The following RBFOX1 variants were observed in gnomAD, a reference collection of about 807,000 sequenced individuals.
RBFOX1 encodes RNA binding protein fox-1 homolog 1.
A neutral mutation model predicts 57.7 loss-of-function variants in RBFOX1; 8 were observed. The observed-to-expected ratio is 0.14, with a 90% CI of 0.08 to 0.25. The LOEUF is 0.25. RBFOX1 is among the 10% of genes least tolerant of loss of function. The pLI, the probability that RBFOX1 is intolerant of heterozygous loss-of-function variation, is 1.00. For missense variants in RBFOX1, 611 were observed against 548.5 expected, an observed-to-expected ratio of 1.11 and a Z score of -1.14; for synonymous variants, 326 against 222.4, an observed-to-expected ratio of 1.47 and a Z score of -4.15.
At chr16:5,735,441 A>G (rs2052536797) in intron 3 of RBFOX1, among the ~76,000 whole-genome samples, 1 of 152,166 alleles carries the variant, frequency 6.6e-6, no homozygotes, top group Non-Finnish European at 1.5e-5. Context: ...ACTTTTCTGA[A>G]CTTTCTTTCT....
intron 4 of RBFOX1, among the ~76,000 whole-genome samples, chr16:5,884,291 A>G (rs968983347): frequency 6.6e-6 from 1 of 152,110 alleles, no homozygotes; most frequent in African/African-American, 2.4e-5. Flanking sequence ...GAGAGCTTTT[A>G]TTGTAACTCT....
chr16:5,948,530 T>TGGATTTTG (rs2059451038), intron 4 of RBFOX1, among the ~76,000 whole-genome samples: 1 of 152,182 alleles, frequency 6.6e-6, no homozygotes, highest in African/African-American at 2.4e-5. Flanking sequence ...ATTTTGGGGT[T>TGGATTTTG]GGAGTGGCTA....
chr16:6,455,236 G>C (rs569658763), intron 2 of RBFOX1, among the ~76,000 whole-genome samples: 1 of 152,178 alleles, frequency 6.6e-6, no homozygotes, highest in South Asian at 2.1e-4. Flanking sequence ...AGGAAGAAAA[G>C]ATTTTTACCC....
At chr16:6,726,835 A>G (rs1318008834) in intron 3 of RBFOX1, among the ~76,000 whole-genome samples, 1 of 152,058 alleles carries the variant, frequency 6.6e-6, no homozygotes, top group Non-Finnish European at 1.5e-5. Context: ...AGGAACACCA[A>G]GTTCTCTCTG....
At chr16:7,707,891 C>T (rs920644194) in intron 14 of RBFOX1, among the ~76,000 whole-genome samples, 1 of 152,170 alleles carries the variant, frequency 6.6e-6, no homozygotes, top group Non-Finnish European at 1.5e-5. Flanking sequence ...GTCACTTGCA[C>T]AGGAATCTAT....
At chr16:6,519,048 A>G (rs1193645236) in intron 2 of RBFOX1, among the ~76,000 whole-genome samples, 1 of 151,070 alleles carries the variant, frequency 6.6e-6, no homozygotes, top group Non-Finnish European at 1.5e-5. Flanking sequence ...AATTCTAACT[A>G]CTTTCTCCCT....
chr16:7,423,323 C>G (rs566159282), intron 4 of RBFOX1, among the ~76,000 whole-genome samples: 1 of 151,764 alleles, frequency 6.6e-6, no homozygotes, highest in South Asian at 2.1e-4. Context: ...GTTCTAAACA[C>G]AAAGAGTGCA....
intron 3 of RBFOX1, among the ~76,000 whole-genome samples, chr16:6,930,893 C>T (rs897174175): frequency 1.6e-4 from 24 of 151,988 alleles, no homozygotes; most frequent in Admixed American, 7.9e-4. Context: ...ACCCCTGCCC[C>T]CTCACCATAG....
At chr16:6,939,847 G>A (rs561180504) in intron 3 of RBFOX1, among the ~76,000 whole-genome samples, 1 of 152,056 alleles carries the variant, frequency 6.6e-6, no homozygotes, top group African/African-American at 2.4e-5. Context: ...TATAGCTGGT[G>A]GAAGATACAT....
chr16:6,474,855 A>G (rs889649963), intron 2 of RBFOX1, among the ~76,000 whole-genome samples: 1 of 152,222 alleles, frequency 6.6e-6, no homozygotes, highest in African/African-American at 2.4e-5. Flanking sequence ...CTACCCTGAG[A>G]TAAGGCACAG....
chr16:7,557,396 G>A (rs1168152051), intron 5 of RBFOX1, among the ~76,000 whole-genome samples: 1 of 151,958 alleles, frequency 6.6e-6, no homozygotes, highest in Non-Finnish European at 1.5e-5. Flanking sequence ...AACGTGGGCG[G>A]ATCACTTGAG....
chr16:7,325,526 A>C (rs2096599965), intron 4 of RBFOX1, among the ~76,000 whole-genome samples: 1 of 152,208 alleles, frequency 6.6e-6, no homozygotes, highest in Non-Finnish European at 1.5e-5. Context: ...AGAACTTCCC[A>C]TGGAACGGCT....
At chr16:6,385,835 A>G (rs996094590) in intron 2 of RBFOX1, among the ~76,000 whole-genome samples, 1 of 152,238 alleles carries the variant, frequency 6.6e-6, no homozygotes, top group Non-Finnish European at 1.5e-5. Context: ...GGGAGCTGAA[A>G]TACTAGTCTG....
chr16:7,477,219 T>G (rs1599432107), intron 4 of RBFOX1, among the ~76,000 whole-genome samples: 1 of 152,318 alleles, frequency 6.6e-6, no homozygotes. Flanking sequence ...CTTGGGTTGT[T>G]CAGGGTAGAA....
chr16:6,923,485 A>G (rs913441474), intron 3 of RBFOX1, among the ~76,000 whole-genome samples: 6 of 152,174 alleles, frequency 3.9e-5, no homozygotes, highest in Admixed American at 3.3e-4. Context: ...GTGAGCCAAT[A>G]TCACAACACT....
chr16:7,508,514 G>C (rs1297728682), intron 4 of RBFOX1, among the ~76,000 whole-genome samples: 1 of 152,100 alleles, frequency 6.6e-6, no homozygotes, highest in Admixed American at 6.5e-5. Context: ...TATGTGGTTA[G>C]AGAGGGGAGC....
chr16:5,507,060 G>A (rs986765013), intron 2 of RBFOX1, among the ~76,000 whole-genome samples: 1 of 152,072 alleles, frequency 6.6e-6, no homozygotes, highest in Non-Finnish European at 1.5e-5. Context: ...TCAGATCCAG[G>A]CTCTGCTGTT....
Position 7,388,644 on chromosome 16 carries a change from CTTTTT to C in RBFOX1, c.28-129482_28-129478del, listed in dbSNP as rs61629644. On this transcript the variant is annotated intron_variant, in intron 4 of 15. Coordinates refer to ENST00000550418, the MANE Select transcript of RBFOX1 (RefSeq NM_018723.4). ...CCCAACTTAAAAGTGGTTTCACTTA[CTTTTT>C]TTTTTTTTTTTTTTTTTTTTGACAT... 7.3e-3 allele frequency among the ~76,000 whole-genome samples: 674 copies of C among 92,596 alleles called. 5 individuals are homozygous for C. Among genetic ancestry groups the C allele is most frequent in the African/African-American group, 0.027 (629 of 23,688 alleles). 60.7% of individuals were successfully genotyped at this position (92,596 alleles called of 152,430 possible). A position where few individuals can be genotyped will look rare whatever the true frequency, so the allele number is the denominator to read the frequency against.
At chr16:5,309,186 G>A (rs1357663418) in intron 1 of RBFOX1, among the ~76,000 whole-genome samples, 1 of 152,156 alleles carries the variant, frequency 6.6e-6, no homozygotes, top group Non-Finnish European at 1.5e-5. Flanking sequence ...TTGGGTTTTA[G>A]GAGGAGATAA....
Sources: allele counts gnomAD v4.1 joint callset (sites outside exome capture counted in the v4.1 genomes callset), GRCh38; gene constraint gnomAD v4.1.1; transcripts MANE v1.5; gene names NCBI Gene and HGNC (gene_info 2026-07-23, HGNC 2026-07-21).